C12orf42: variants seen among roughly 807,000 people sequenced by gnomAD.
The protein encoded by C12orf42 is chromosome 12 open reading frame 42.
A neutral mutation model predicts 21.6 loss-of-function variants in C12orf42; 25 were observed. That is an observed-to-expected ratio of 1.16 (90% confidence interval 0.84 to 1.62). The LOEUF (loss-of-function observed/expected upper bound fraction) is 1.62. Among genes scored for constraint, C12orf42 ranks in the 40% most tolerant of loss-of-function variants. C12orf42 has a pLI of 0.00. For missense variants in C12orf42, 483 were observed against 459.3 expected, an observed-to-expected ratio of 1.05 and a Z score of -0.47; for synonymous variants, 174 against 175.0, an observed-to-expected ratio of 0.99 and a Z score of 0.05.
rs199552012 is a variant in C12orf42 at position 103,437,527 on chromosome 12, A to G, written c.79-35852T>C. Among the ~76,000 whole-genome samples, 1,825 of 152,294 alleles carry G rather than the reference A, an allele frequency of 0.012. 197 individuals carry two copies. In the East Asian group the frequency reaches 0.25, roughly 21 times the overall value. On this transcript the variant is annotated intron_variant, in intron 2 of 5. Transcript: ENST00000548883. ...CGCTAGCAAGGCTAATAAAGAAAAAAAGAGAGAAGAATCAAATAGACACAA... is the reference window on the plus strand; with the variant it reads ...CGCTAGCAAGGCTAATAAAGAAAAAGAGAGAGAAGAATCAAATAGACACAA...
chr12:103,309,827 C>G, intron 4 of C12orf42, among the ~76,000 whole-genome samples: 1 of 152,210 alleles, frequency 6.6e-6, no homozygotes, highest in East Asian at 1.9e-4. Context: ...TTGGCCATGC[C>G]AGGTGCCCAG....
chr12:103,385,761 T>A (rs1449176616), intron 3 of C12orf42, among the ~76,000 whole-genome samples: 1 of 152,206 alleles, frequency 6.6e-6, no homozygotes, highest in African/African-American at 2.4e-5. Flanking sequence ...TAATTTTGAT[T>A]TTTTTCATAC....
chr12:103,277,252 A>C (rs781726817), intron 4 of C12orf42: 68 of 404,698 alleles, frequency 1.7e-4, no homozygotes, highest in Non-Finnish European at 3.0e-4. Context: ...AGAAAGAATA[A>C]CTGTATATTA....
intron 10 of C12orf42, among the ~76,000 whole-genome samples, chr12:103,256,655 A>C (rs754114825): frequency 6.6e-6 from 1 of 152,190 alleles, no homozygotes; most frequent in Non-Finnish European, 1.5e-5. Context: ...AAGGGGTTGG[A>C]GCAGCTTAAC....
chr12:103,471,164 C>A (rs1396349515), intron 2 of C12orf42, among the ~76,000 whole-genome samples: 2 of 152,172 alleles, frequency 1.3e-5, no homozygotes, highest in Non-Finnish European at 2.9e-5. Flanking sequence ...CCCCATCATT[C>A]TTCCCAGAAT....
At chr12:103,551,469 A>G in the C12orf42 span, among the ~76,000 whole-genome samples, 1 of 152,156 alleles carries the variant, frequency 6.6e-6, no homozygotes, top group African/African-American at 2.4e-5. Context: ...GTGAGCCATA[A>G]TCATGCCACA....
At chr12:103,553,280 C>T in the C12orf42 span, among the ~76,000 whole-genome samples, 1 of 152,166 alleles carries the variant, frequency 6.6e-6, no homozygotes, top group Non-Finnish European at 1.5e-5. Flanking sequence ...TCGAATCCTA[C>T]CTTTTCTCTT....
At chr12:103,229,688 A>G in the C12orf42 span, among the ~76,000 whole-genome samples, 1 of 152,208 alleles carries the variant, frequency 6.6e-6, no homozygotes, top group South Asian at 2.1e-4. Context: ...GGGAATGACT[A>G]TATGGAAGTG....
chr12:103,402,192 T>C (rs1242529753), intron 2 of C12orf42, among the ~76,000 whole-genome samples: 2 of 152,174 alleles, frequency 1.3e-5, no homozygotes, highest in South Asian at 2.1e-4. Context: ...AGAATTATCA[T>C]TGTAGAAACC....
intron 2 of C12orf42, among the ~76,000 whole-genome samples, chr12:103,403,351 G>A (rs2048172787): frequency 6.6e-6 from 1 of 150,732 alleles, no homozygotes; most frequent in Non-Finnish European, 1.5e-5. Context: ...ACTCCAGCCT[G>A]GGCAACAGAG....
the C12orf42 span, among the ~76,000 whole-genome samples, chr12:103,209,753 C>T: frequency 9.8e-5 from 15 of 152,298 alleles, no homozygotes; most frequent in South Asian, 3.1e-3. Context: ...CCTTGCTCTT[C>T]CTCATTGTGC....
chr12:103,539,291 GTA>G, the C12orf42 span, among the ~76,000 whole-genome samples: 1 of 152,102 alleles, frequency 6.6e-6, no homozygotes, highest in African/African-American at 2.4e-5. Context: ...GTGCATGTGT[GTA>G]TGTGTGTGTG....
At chr12:103,210,639 C>CTTTTTTTTTT in the C12orf42 span, among the ~76,000 whole-genome samples, 364 of 77,562 alleles carry the variant, frequency 4.7e-3, 14 homozygotes, top group Middle Eastern at 9.8e-3. Context: ...CCCTCTATTT[C>CTTTTTTTTTT]TTTTTTTTTT....
chr12:103,555,568 C>T, the C12orf42 span, among the ~76,000 whole-genome samples: 1 of 152,072 alleles, frequency 6.6e-6, no homozygotes, highest in Non-Finnish European at 1.5e-5. Flanking sequence ...GCTGCTGATC[C>T]GAGGACCACA....
intron 2 of C12orf42, among the ~76,000 whole-genome samples, chr12:103,465,322 G>A (rs1039394536): frequency 3.3e-5 from 5 of 152,078 alleles, no homozygotes; most frequent in African/African-American, 1.2e-4. Context: ...CACTTCCCTT[G>A]TTAGCTGTAT....
intron 4 of C12orf42, among the ~76,000 whole-genome samples, chr12:103,341,112 CAAAAAA>C (rs34154888): frequency 1.0e-3 from 50 of 47,690 alleles, no homozygotes; most frequent in African/African-American, 4.0e-3. Context: ...GACTCTGTCT[CAAAAAA>C]AAAAAAAAAA....
At chr12:103,444,819 C>T (rs1432617056) in intron 2 of C12orf42, among the ~76,000 whole-genome samples, 2 of 151,948 alleles carry the variant, frequency 1.3e-5, no homozygotes, top group African/African-American at 4.8e-5. Context: ...TTATCAATAT[C>T]ATATTTCCCC....
the C12orf42 span, among the ~76,000 whole-genome samples, chr12:103,515,169 T>C: frequency 1.3e-5 from 2 of 152,254 alleles, no homozygotes; most frequent in African/African-American, 4.8e-5. Flanking sequence ...GATTTCATTA[T>C]TCTTAAACTT....
At chr12:103,166,554 T>C in the C12orf42 span, among the ~76,000 whole-genome samples, 1 of 152,210 alleles carries the variant, frequency 6.6e-6, no homozygotes, top group Non-Finnish European at 1.5e-5. Context: ...AGTCAGAATT[T>C]GAATCCAGGT....
Sources: gnomAD v4.1 joint callset for allele counts (sites outside exome capture counted in the v4.1 genomes callset) on GRCh38, gnomAD v4.1.1 for gene constraint, MANE v1.5 for transcripts, NCBI Gene and HGNC (gene_info 2026-07-23, HGNC 2026-07-21) for gene names.